RBFOX1: variants seen among roughly 807,000 people sequenced by gnomAD.
RBFOX1 encodes RNA binding protein fox-1 homolog 1.
Under a neutral mutation model 57.7 loss-of-function variants are expected in RBFOX1, and 8 were observed. That is an observed-to-expected ratio of 0.14 (90% CI 0.08 to 0.25). The LOEUF is 0.25. RBFOX1 is among the 10% of genes least tolerant of loss of function. The pLI is 1.00. For synonymous variants in RBFOX1, 326 were observed against 222.4 expected (o/e 1.47, Z -4.15); for missense variants, 611 against 548.5 (o/e 1.11, Z -1.14).
intron 4 of RBFOX1, among the ~76,000 whole-genome samples, chr16:5,871,174 G>A (rs925407039): frequency 9.2e-5 from 14 of 152,114 alleles, no homozygotes; most frequent in African/African-American, 2.2e-4. Context: ...ATTGAGAAAC[G>A]TTAAAAACCC....
intron 2 of RBFOX1, among the ~76,000 whole-genome samples, chr16:6,654,187 T>C (rs1234091604): frequency 6.6e-6 from 1 of 152,034 alleles, no homozygotes; most frequent in Non-Finnish European, 1.5e-5. Flanking sequence ...GTTGGAAGGA[T>C]AAAAAATAGA....
intron 4 of RBFOX1, among the ~76,000 whole-genome samples, chr16:7,178,359 C>A (rs1266830174): frequency 6.6e-6 from 1 of 152,170 alleles, no homozygotes; most frequent in African/African-American, 2.4e-5. Context: ...GACTGGGTCA[C>A]TAACAATTTG....
At chr16:6,070,026 C>T (rs2095816682) in intron 1 of RBFOX1, among the ~76,000 whole-genome samples, 1 of 152,164 alleles carries the variant, frequency 6.6e-6, no homozygotes, top group Non-Finnish European at 1.5e-5. Context: ...CAAAAAGTAA[C>T]TAAGTAGAGT....
intron 4 of RBFOX1, among the ~76,000 whole-genome samples, chr16:7,395,749 A>G (rs1319512305): frequency 6.6e-6 from 1 of 152,232 alleles, no homozygotes; most frequent in East Asian, 1.9e-4. Flanking sequence ...CTGAAATATC[A>G]ATAGCAATCT....
At chr16:7,094,330 G>A (rs1208279456) in intron 4 of RBFOX1, among the ~76,000 whole-genome samples, 1 of 152,084 alleles carries the variant, frequency 6.6e-6, no homozygotes, top group East Asian at 1.9e-4. Flanking sequence ...GGAACATGAA[G>A]CTTTTAGGAG....
At chr16:5,330,855 T>C (rs1231955642) in intron 1 of RBFOX1, among the ~76,000 whole-genome samples, 1 of 152,128 alleles carries the variant, frequency 6.6e-6, no homozygotes, top group African/African-American at 2.4e-5. Flanking sequence ...TGCTAAAAAT[T>C]TCTCCATTGC....
At chr16:6,134,219 G>A (rs566494224) in intron 1 of RBFOX1, among the ~76,000 whole-genome samples, 1 of 152,164 alleles carries the variant, frequency 6.6e-6, no homozygotes, top group African/African-American at 2.4e-5. Flanking sequence ...TTACAGGCGT[G>A]AGCCACCACA....
intron 4 of RBFOX1, among the ~76,000 whole-genome samples, chr16:7,114,816 G>A (rs2065535885): frequency 6.6e-6 from 1 of 152,164 alleles, no homozygotes; most frequent in Admixed American, 6.5e-5. Flanking sequence ...AGGTGTGATA[G>A]CTGTAGTGGT....
intron 11 of RBFOX1, among the ~76,000 whole-genome samples, chr16:7,653,443 G>A (rs2065537743): frequency 1.3e-5 from 2 of 152,116 alleles, no homozygotes; most frequent in African/African-American, 4.8e-5. Context: ...GAAGTCGAGG[G>A]TGCAGTGAGC....
intron 3 of RBFOX1, among the ~76,000 whole-genome samples, chr16:6,845,944 C>T (rs11640468): frequency 0.67 from 101,736 of 151,842 alleles, 34,708 homozygotes; most frequent in East Asian, 0.88. Context: ...CCATGGACAG[C>T]AGATGCTTCT....
intron 3 of RBFOX1, among the ~76,000 whole-genome samples, chr16:6,728,901 G>T (rs1284364382): frequency 1.3e-5 from 2 of 152,056 alleles, no homozygotes; most frequent in African/African-American, 4.8e-5. Flanking sequence ...TATATATATA[G>T]TACATGTATA....
intron 3 of RBFOX1, among the ~76,000 whole-genome samples, chr16:6,678,285 TG>T (rs1283069813): frequency 9.2e-5 from 14 of 152,022 alleles, no homozygotes; most frequent in Non-Finnish European, 1.6e-4. Flanking sequence ...CCACCACACA[TG>T]GCTAATTTTT....
At chr16:6,620,413 A>G (rs1410539571) in intron 2 of RBFOX1, among the ~76,000 whole-genome samples, 1 of 152,238 alleles carries the variant, frequency 6.6e-6, no homozygotes, top group Non-Finnish European at 1.5e-5. Context: ...TCAAGGTAAC[A>G]AGTTAACAAC....
chr16:6,892,314 C>T (rs1302383680), intron 3 of RBFOX1, among the ~76,000 whole-genome samples: 1 of 152,156 alleles, frequency 6.6e-6, no homozygotes, highest in Non-Finnish European at 1.5e-5. Context: ...CTGGATCTCT[C>T]TAAAAATAAC....
At chr16:6,666,402 G>A (rs1205501565) in intron 3 of RBFOX1, among the ~76,000 whole-genome samples, 1 of 152,064 alleles carries the variant, frequency 6.6e-6, no homozygotes, top group African/African-American at 2.4e-5. Flanking sequence ...AGGTGTGGTG[G>A]TGGGCACCTA....
chr16:6,842,349 CAA>C (rs1488279132), intron 3 of RBFOX1, among the ~76,000 whole-genome samples: 5 of 151,974 alleles, frequency 3.3e-5, no homozygotes, highest in Non-Finnish European at 7.4e-5. Flanking sequence ...TTTGGAAAGA[CAA>C]ATACTTTGTG....
chr16:6,017,577 A>G (rs949430057), upstream of RBFOX1, among the ~76,000 whole-genome samples: 23 of 152,232 alleles, frequency 1.5e-4, no homozygotes, highest in African/African-American at 5.5e-4. Flanking sequence ...AAGGAAACAT[A>G]TGGTAAAAAT....
intron 2 of RBFOX1, among the ~76,000 whole-genome samples, chr16:5,500,012 G>C (rs189892310): frequency 6.6e-6 from 1 of 151,614 alleles, no homozygotes; most frequent in African/African-American, 2.4e-5. Flanking sequence ...TCCCATTCTC[G>C]CATTTGCCTA....
intron 3 of RBFOX1, among the ~76,000 whole-genome samples, chr16:5,632,870 T>C (rs1196272005): frequency 6.6e-6 from 1 of 151,488 alleles, no homozygotes; most frequent in East Asian, 1.9e-4. Flanking sequence ...TTCTCCACTG[T>C]GGCTAAGAAA....
Sources: gnomAD v4.1 joint callset for allele counts (sites outside exome capture counted in the v4.1 genomes callset) on GRCh38, gnomAD v4.1.1 for gene constraint, MANE v1.5 for transcripts, NCBI Gene and HGNC (gene_info 2026-07-23, HGNC 2026-07-21) for gene names.